Variants in HOMER1 observed in about 807,000 individuals in gnomAD.
HOMER1 encodes the protein homer scaffold protein 1.
In HOMER1, 3 loss-of-function variants were observed where a neutral mutation model predicts 48.9. The observed-to-expected ratio is 0.06, with a 90% CI of 0.03 to 0.16. The LOEUF is 0.16. HOMER1 is among the 10% of genes least tolerant of loss of function. The probability of loss-of-function intolerance (pLI) is 1.00; values close to 1 mark genes in which losing one functional copy is unlikely to be tolerated. For synonymous variants in HOMER1, 134 were observed against 146.4 expected, an observed-to-expected ratio of 0.92 and a Z score of 0.61; for missense variants, 247 against 411.4, an observed-to-expected ratio of 0.60 and a Z score of 3.46.
intron 5 of HOMER1, among the ~76,000 whole-genome samples, chr5:79,412,147 A>G (rs544836902): frequency 1.3e-5 from 2 of 152,230 alleles, no homozygotes; most frequent in East Asian, 3.9e-4. Context: ...AAATCAAATT[A>G]AAATAAATAG....
chr5:79,468,108 T>C (rs9654434), intron 1 of HOMER1, among the ~76,000 whole-genome samples: 40,454 of 152,086 alleles, frequency 0.27, 5,505 homozygotes, highest in South Asian at 0.39. Context: ...ACAATACATG[T>C]TATGATTAGA....
intron 8 of HOMER1, among the ~76,000 whole-genome samples, chr5:79,392,255 G>A (rs2112207402): frequency 6.6e-6 from 1 of 152,186 alleles, no homozygotes; most frequent in South Asian, 2.1e-4. Context: ...GTCCTTCAGG[G>A]GGTATTCCAG....
intron 4 of HOMER1, among the ~76,000 whole-genome samples, chr5:79,444,509 T>C (rs1750823954): frequency 6.6e-6 from 1 of 152,254 alleles, no homozygotes; most frequent in South Asian, 2.1e-4. Context: ...ATTCTTTATA[T>C]TTCATAGTAT....
At chr5:79,381,166 C>T (rs1384401860) in intron 8 of HOMER1, among the ~76,000 whole-genome samples, 1 of 152,190 alleles carries the variant, frequency 6.6e-6, no homozygotes, top group African/African-American at 2.4e-5. Context: ...CCTGGTGTCC[C>T]AGTCCCCAGC....
intron 1 of HOMER1, among the ~76,000 whole-genome samples, chr5:79,492,490 T>C (rs938429420): frequency 4.8e-5 from 7 of 146,716 alleles, no homozygotes; most frequent in African/African-American, 1.9e-4. Flanking sequence ...TTCCTAACTA[T>C]GAAAGAAGGA....
intron 5 of HOMER1, among the ~76,000 whole-genome samples, chr5:79,427,763 T>C (rs1017880598): frequency 6.9e-6 from 1 of 144,284 alleles, no homozygotes; most frequent in Non-Finnish European, 1.5e-5. Context: ...TTTCCTTCCC[T>C]TCCTTCCTTC....
intron 1 of HOMER1, among the ~76,000 whole-genome samples, chr5:79,507,126 A>C (rs1752795681): frequency 6.9e-6 from 1 of 145,510 alleles, no homozygotes. Context: ...GGCAGGAGAA[A>C]TGCTGGAACC....
intron 2 of HOMER1, among the ~76,000 whole-genome samples, chr5:79,452,775 TTAAG>T (rs1283397530): frequency 1.3e-5 from 2 of 152,190 alleles, no homozygotes; most frequent in Non-Finnish European, 2.9e-5. Context: ...TTATGCTCAA[TTAAG>T]TGTTTTTACC....
At chr5:79,448,393 A>G (rs928819390) in intron 3 of HOMER1, among the ~76,000 whole-genome samples, 1 of 152,210 alleles carries the variant, frequency 6.6e-6, no homozygotes, top group Admixed American at 6.5e-5. Context: ...AAAAATCTAC[A>G]CTATTGCTAA....
At chr5:79,507,314 T>C (rs1752806392) in intron 1 of HOMER1, among the ~76,000 whole-genome samples, 1 of 151,864 alleles carries the variant, frequency 6.6e-6, no homozygotes, top group Non-Finnish European at 1.5e-5. Flanking sequence ...TTATCTCAAT[T>C]CTTCTAGATG....
At chr5:79,428,626 C>A (rs1750338057) in intron 5 of HOMER1, among the ~76,000 whole-genome samples, 1 of 151,990 alleles carries the variant, frequency 6.6e-6, no homozygotes, top group Admixed American at 6.5e-5. Context: ...AACAATCATC[C>A]TTCCATATAC....
intron 3 of HOMER1, among the ~76,000 whole-genome samples, chr5:79,447,552 A>G (rs1457601173): frequency 6.6e-6 from 1 of 152,228 alleles, no homozygotes; most frequent in Non-Finnish European, 1.5e-5. Context: ...CACAGTATTT[A>G]GAAAATGCTT....
Position 79,451,556 on chromosome 5 carries a change from CTTTT to C in HOMER1, c.163-439_163-436del, listed in dbSNP as rs71615542. Reference sequence around the variant, plus strand: ...GAAAATATGCATAGAAAATATGACACTTTTTTTTTTTTTTTTTTTTTTTTTTTTA... The same window carrying C: ...GAAAATATGCATAGAAAATATGACACTTTTTTTTTTTTTTTTTTTTTTTTA... On this transcript the variant is annotated intron_variant, in intron 2 of 8. Transcript: ENST00000334082. Among the ~76,000 whole-genome samples the C allele has an allele frequency of 9.3e-5, 6 of 64,640 alleles. No individual in the cohort carries two copies. The East Asian group carries it at 2.0e-3, about 21-fold the overall frequency. The allele number at this position is 64,640 out of a possible 152,430, so 42.4% of individuals were successfully genotyped here.
intron 1 of HOMER1, among the ~76,000 whole-genome samples, chr5:79,511,532 T>C (rs1752941460): frequency 6.6e-6 from 1 of 152,230 alleles, no homozygotes; most frequent in Non-Finnish European, 1.5e-5. Context: ...CTCAGATCAC[T>C]AAGCTACTAA....
chr5:79,379,131 A>C (rs2112185169), intron 8 of HOMER1, among the ~76,000 whole-genome samples: 1 of 105,044 alleles, frequency 9.5e-6, no homozygotes, highest in East Asian at 2.3e-4. Flanking sequence ...ATAAATATTT[A>C]TTTATATATA....
intron 8 of HOMER1, among the ~76,000 whole-genome samples, chr5:79,383,288 A>G (rs1407193803): frequency 1.3e-5 from 2 of 152,312 alleles, no homozygotes; most frequent in African/African-American, 4.8e-5. Context: ...CCCCACTCTC[A>G]GCATTAGACA....
At chr5:79,401,775 C>G (rs1749542178) in intron 6 of HOMER1, 124 bp downstream of exon 6, 5 of 877,912 alleles carry the variant, frequency 5.7e-6, no homozygotes, top group Non-Finnish European at 8.9e-6. Context: ...ATCATACAAC[C>G]CATATCTATG....
At chr5:79,441,116 C>T (rs1482313996) in intron 4 of HOMER1, among the ~76,000 whole-genome samples, 1 of 152,108 alleles carries the variant, frequency 6.6e-6, no homozygotes, top group Non-Finnish European at 1.5e-5. Flanking sequence ...GCCGAGATCA[C>T]TGCACTCCAG....
intron 4 of HOMER1, among the ~76,000 whole-genome samples, chr5:79,439,428 C>T (rs894521064): frequency 1.1e-4 from 17 of 151,954 alleles, no homozygotes; most frequent in Non-Finnish European, 1.6e-4. Flanking sequence ...GAAACAGTTT[C>T]GAATAATTTA....
Sources: gnomAD v4.1 joint callset for allele counts (sites outside exome capture counted in the v4.1 genomes callset) on GRCh38, gnomAD v4.1.1 for gene constraint, MANE v1.5 for transcripts, NCBI Gene and HGNC (gene_info 2026-07-23, HGNC 2026-07-21) for gene names.